Variants in SV2C observed in about 807,000 individuals in gnomAD.
SV2C encodes solute carrier family 22 member B3.
A neutral mutation model predicts 79.7 loss-of-function variants in SV2C; 49 were observed. The observed-to-expected ratio is 0.61, with a 90% CI of 0.49 to 0.78. The LOEUF is 0.78. SV2C is among the 30% of genes least tolerant of loss of function. The pLI is 0.00. For missense variants in SV2C, 833 were observed against 912.9 expected (o/e 0.91, Z 1.13); for synonymous variants, 334 against 333.2 (o/e 1.00, Z -0.03).
chr5:76,211,181 T>C (rs540440478), intron 4 of SV2C, among the ~76,000 whole-genome samples: 1 of 152,272 alleles, frequency 6.6e-6, no homozygotes, highest in East Asian at 1.9e-4. Context: ...AGAACTGGAA[T>C]GGGAGCAGGA....
chr5:76,072,760 CCAA>C, the SV2C span, among the ~76,000 whole-genome samples: 5 of 152,022 alleles, frequency 3.3e-5, no homozygotes, highest in Admixed American at 3.3e-4. Flanking sequence ...CACATCCAGA[CCAA>C]CGTCTATTAT....
chr5:76,081,746 G>A (rs933904317), upstream of SV2C, among the ~76,000 whole-genome samples: 1 of 152,176 alleles, frequency 6.6e-6, no homozygotes, highest in Admixed American at 6.5e-5. Flanking sequence ...CTGAACCAGA[G>A]AGGAGGGAAA....
At chr5:76,220,848 C>T (rs1745046465) in intron 4 of SV2C, among the ~76,000 whole-genome samples, 1 of 152,046 alleles carries the variant, frequency 6.6e-6, no homozygotes, top group African/African-American at 2.4e-5. Context: ...CTAGGCAGCA[C>T]AAAGTGGGAA....
At chr5:75,966,411 A>T in the SV2C span, among the ~76,000 whole-genome samples, 3 of 152,306 alleles carry the variant, frequency 2.0e-5, no homozygotes, top group South Asian at 4.1e-4. Flanking sequence ...AGACTGCAGG[A>T]CTTATTTCCT....
chr5:76,295,627 C>G lies in SV2C; in HGVS notation c.1338-151C>G, dbSNP rs958137964. 4.6e-6 allele frequency: 3 copies of G among 648,754 alleles called. No individual in the cohort carries two copies. The African/African-American group carries it at 5.6e-5, about 12-fold the overall frequency. 40.2% of individuals were successfully genotyped at this position (648,754 alleles called of 1,614,324 possible). A position where few individuals can be genotyped will look rare whatever the true frequency, so the allele number is the denominator to read the frequency against. ...GCAGATTAATGCTGGGGGAGAGGGA[C>G]ACATGGATTGCTGTATGATGAATTA... On this transcript the variant is annotated intron_variant, in intron 8 of 12. Transcript: ENST00000502798.
chr5:76,270,168 T>C (rs1746797023), intron 4 of SV2C, among the ~76,000 whole-genome samples: 1 of 152,238 alleles, frequency 6.6e-6, no homozygotes, highest in Non-Finnish European at 1.5e-5. Context: ...AATTTGGGCT[T>C]CTTTTAATCT....
At chr5:76,144,165 G>T (rs79555736) in intron 2 of SV2C, among the ~76,000 whole-genome samples, 1 of 152,192 alleles carries the variant, frequency 6.6e-6, no homozygotes, top group Non-Finnish European at 1.5e-5. Flanking sequence ...TTAAAAAAAT[G>T]CAGTGTTCCT....
At chr5:75,857,408 G>A in the SV2C span, among the ~76,000 whole-genome samples, 1 of 152,100 alleles carries the variant, frequency 6.6e-6, no homozygotes, top group Non-Finnish European at 1.5e-5. Flanking sequence ...TGTCAAAAAT[G>A]AGTTCACTGT....
At chr5:75,899,647 T>C in the SV2C span, among the ~76,000 whole-genome samples, 1 of 152,108 alleles carries the variant, frequency 6.6e-6, no homozygotes, top group African/African-American at 2.4e-5. Context: ...CGTTGATCTG[T>C]CTAATGTTGA....
At position 76,160,010 on chromosome 5, in the gene SV2C, TAATA is replaced by T. The variant is rs143671841; in HGVS notation, c.580+27689_580+27692del. ...AAAATAAAATACTTAGGAATAATTTTAATAAATAAATACTTCAAAAACTTAAAAA... is the reference window on the plus strand; with the variant it reads ...AAAATAAAATACTTAGGAATAATTTTAATAAATACTTCAAAAACTTAAAAA... On this transcript the variant is annotated intron_variant, in intron 2 of 12. Coordinates refer to ENST00000502798, the MANE Select transcript of SV2C (RefSeq NM_014979.4). 2.2e-3 allele frequency among the ~76,000 whole-genome samples: 334 copies of T among 152,124 alleles called. 12 individuals are homozygous for T. In the East Asian group the frequency reaches 0.059, roughly 27 times the overall value.
chr5:75,849,893 T>G, the SV2C span, among the ~76,000 whole-genome samples: 2 of 152,172 alleles, frequency 1.3e-5, no homozygotes, highest in Non-Finnish European at 1.5e-5. Flanking sequence ...TCCTCTTTTC[T>G]TCCTTTTCTT....
At chr5:76,199,947 T>C (rs1269518244) in intron 3 of SV2C, among the ~76,000 whole-genome samples, 1 of 152,208 alleles carries the variant, frequency 6.6e-6, no homozygotes, top group Non-Finnish European at 1.5e-5. Flanking sequence ...ATACTGTTAG[T>C]CTTTCTCCCA....
chr5:76,342,583 G>A (rs572815002), intron 12 of SV2C, among the ~76,000 whole-genome samples: 1 of 152,204 alleles, frequency 6.6e-6, no homozygotes. Context: ...ACACTCTGGA[G>A]CTGGTAAAGG....
the SV2C span, among the ~76,000 whole-genome samples, chr5:75,913,974 A>G: frequency 2.6e-5 from 4 of 152,048 alleles, no homozygotes; most frequent in Non-Finnish European, 5.9e-5. Context: ...AAAAAAAAAC[A>G]CACCTTAAAC....
intron 10 of SV2C, 42 bp from the exon 11 acceptor site, chr5:76,300,687 T>G: frequency 6.3e-7 from 1 of 1,592,240 alleles, no homozygotes; most frequent in Non-Finnish European, 8.6e-7. Flanking sequence ...GGTGCATGCC[T>G]GGTAAGAGCT....
At chr5:76,309,252 A>C (rs1418165237) in intron 12 of SV2C, among the ~76,000 whole-genome samples, 1 of 152,140 alleles carries the variant, frequency 6.6e-6, no homozygotes, top group African/African-American at 2.4e-5. Flanking sequence ...TGGCCTTTAG[A>C]GAGCTCCCTC....
chr5:75,891,086 C>T, the SV2C span, among the ~76,000 whole-genome samples: 1 of 152,072 alleles, frequency 6.6e-6, no homozygotes, highest in African/African-American at 2.4e-5. Context: ...GTCTTGATTC[C>T]TTCTGATTCT....
intron 6 of SV2C, 183 bp downstream of exon 6, chr5:76,286,053 C>A: frequency 1.9e-6 from 1 of 536,674 alleles, no homozygotes; most frequent in Non-Finnish European, 3.2e-6. Flanking sequence ...GACTGTGTGT[C>A]AATAAAACTT....
chr5:75,855,350 G>A, the SV2C span, among the ~76,000 whole-genome samples: 126 of 152,140 alleles, frequency 8.3e-4, no homozygotes, highest in African/African-American at 2.8e-3. Flanking sequence ...GTTACACAGT[G>A]ACTATTATCC....
Sources: allele counts gnomAD v4.1 joint callset (sites outside exome capture counted in the v4.1 genomes callset), GRCh38; gene constraint gnomAD v4.1.1; transcripts MANE v1.5; gene names NCBI Gene and HGNC (gene_info 2026-07-23, HGNC 2026-07-21).